WDFY3: variants seen among roughly 807,000 people sequenced by gnomAD.
The protein encoded by WDFY3 is WD repeat and FYVE domain containing 3.
In WDFY3, 66 loss-of-function variants were observed where a neutral mutation model predicts 409.6. The ratio of observed to expected loss-of-function variants is 0.16; its 90% CI spans 0.13 to 0.20. The LOEUF (loss-of-function observed/expected upper bound fraction) is 0.20, where lower values mean the gene tolerates loss of function less well. Ranked by LOEUF, WDFY3 falls within the 10% of genes least tolerant of loss-of-function variation. The pLI is 1.00. For missense variants in WDFY3, 3,031 were observed against 4,298.1 expected (o/e 0.71, Z 8.24); for synonymous variants, 1,521 against 1,537.1 (o/e 0.99, Z 0.25).
Position 84,809,998 on chromosome 4 carries a change from T to G in WDFY3, c.2234A>C (p.Gln745Pro). 1 of 1,614,180 alleles carries G rather than the reference T, an allele frequency of 6.2e-7. No individual in the cohort carries two copies. The highest frequency in any genetic ancestry group is 8.5e-7 in the Non-Finnish European group (1 of 1,180,008). ...NVFPSNTQPF[Q>P]RLLEEDVISI... ...GATTACATCTTCCTCTAAAAGTCTT[T>G]GAAATGGCTGTGTATTTGAGGGGAA... The change falls in exon 14 of 68, where the codon CAA (glutamine) becomes CCA (proline). Residue 745 changes from glutamine to proline, a missense_variant. Coordinates refer to ENST00000295888, the MANE Select transcript of WDFY3 (RefSeq NM_014991.6).
In WDFY3 at chr4:84,696,757, C is replaced by T. The variant is rs756701779; in HGVS notation, c.8663G>A (p.Arg2888Gln). ...ILPPWAKGDP[R>Q]EFIRVHREAL... ...CTCACGATGGACTCTGATGAATTCTCGTGGGTCCCCTTTTGCCCAGGGTGG... is the reference window on the plus strand; with the variant it reads ...CTCACGATGGACTCTGATGAATTCTTGTGGGTCCCCTTTTGCCCAGGGTGG... The change falls in exon 57 of 68, where the codon CGA (arginine) becomes CAA (glutamine). Residue 2888 changes from arginine (R) to glutamine (Q), a missense_variant. Coordinates refer to ENST00000295888, the MANE Select transcript of WDFY3 (RefSeq NM_014991.6). 2.5e-6 allele frequency: 4 copies of T among 1,613,796 alleles called. No individual in the cohort carries two copies. Among genetic ancestry groups the T allele is most frequent in the South Asian group, 1.1e-5 (1 of 91,058 alleles).
intron 47 of WDFY3, among the ~76,000 whole-genome samples, chr4:84,721,033 T>G (rs189908057): frequency 3.3e-5 from 5 of 152,292 alleles, no homozygotes; most frequent in Admixed American, 2.0e-4. Flanking sequence ...CAGTCCAGAT[T>G]GGCTGAAGCC....
chr4:84,759,240 T>C (rs573756245), intron 32 of WDFY3, among the ~76,000 whole-genome samples: 5 of 152,328 alleles, frequency 3.3e-5, no homozygotes, highest in African/African-American at 9.6e-5. Context: ...GGTAGGGTGA[T>C]GCCTCCAGCT....
chr4:84,847,405 T>C (rs1324546948), intron 5 of WDFY3, among the ~76,000 whole-genome samples: 1 of 151,590 alleles, frequency 6.6e-6, no homozygotes, highest in African/African-American at 2.4e-5. Context: ...CAAAAACAAA[T>C]TGATAAAAAA....
chr4:84,783,184 T>C, intron 24 of WDFY3, 110 bp from the exon 25 acceptor site: 1 of 991,066 alleles, frequency 1.0e-6, no homozygotes, highest in Non-Finnish European at 1.5e-6. Context: ...TCTCCTCCCT[T>C]ATCAGAATAC....
At chr4:84,885,641 G>T (rs569912033) in intron 3 of WDFY3, among the ~76,000 whole-genome samples, 1 of 152,210 alleles carries the variant, frequency 6.6e-6, no homozygotes, top group South Asian at 2.1e-4. Flanking sequence ...AATCTGGAAG[G>T]CCATTAAACA....
In WDFY3 at chr4:84,679,106, G is replaced by A. The variant is rs141847333; in HGVS notation, c.9960C>T (p.Ala3320=). 8.7e-6 allele frequency: 14 copies of A among 1,614,086 alleles called. No individual in the cohort carries two copies. The highest frequency in any genetic ancestry group is 2.2e-5 in the East Asian group (1 of 44,894). Residue 3320 remains alanine, a synonymous_variant, in exon 65 of 68, where the codon GCC becomes GCT. Coordinates refer to ENST00000295888, the MANE Select transcript of WDFY3 (RefSeq NM_014991.6). The part of the protein sequence containing the change: ...RPRAASCRAT[A]AWCTDSGSDD... Reference sequence around the variant, plus strand: ...CAGAGCCACTGTCAGTACACCAGGCGGCTGTTGCGCGGCAGGAGGCTGCCC... The same window carrying A: ...CAGAGCCACTGTCAGTACACCAGGCAGCTGTTGCGCGGCAGGAGGCTGCCC...
chr4:84,881,641 C>T (rs966458313), intron 3 of WDFY3, among the ~76,000 whole-genome samples: 2 of 151,632 alleles, frequency 1.3e-5, no homozygotes, highest in South Asian at 4.2e-4. Flanking sequence ...AATCCCAACA[C>T]TTTGGGAGGG....
intron 3 of WDFY3, among the ~76,000 whole-genome samples, chr4:84,892,166 A>C (rs1561016918): frequency 6.6e-6 from 1 of 152,042 alleles, no homozygotes; most frequent in Non-Finnish European, 1.5e-5. Context: ...TAAATAAAAT[A>C]ATTTATCATG....
intron 1 of WDFY3, among the ~76,000 whole-genome samples, chr4:84,946,595 G>A (rs939660844): frequency 6.6e-5 from 10 of 152,122 alleles, no homozygotes; most frequent in African/African-American, 2.4e-4. Context: ...GGAAAGCAAA[G>A]GGAAAGAGAC....
At chr4:84,934,322 C>T (rs868485697) in intron 1 of WDFY3, among the ~76,000 whole-genome samples, 50 of 152,224 alleles carry the variant, frequency 3.3e-4, no homozygotes, top group Non-Finnish European at 5.3e-4. Flanking sequence ...TGTATGTCTT[C>T]TTTTGAGAAA....
At chr4:84,766,581 T>C (rs185904660) in intron 30 of WDFY3, among the ~76,000 whole-genome samples, 28 of 152,354 alleles carry the variant, frequency 1.8e-4, no homozygotes, top group African/African-American at 5.8e-4. Context: ...TGACATTTCC[T>C]AAACTACTGA....
At chr4:84,844,410 T>C (rs892574307) in intron 5 of WDFY3, 12 of 1,279,424 alleles carry the variant, frequency 9.4e-6, no homozygotes, top group Non-Finnish European at 1.2e-5. Context: ...CTTCCATGCT[T>C]CTTTTCATTT....
At position 84,678,220 on chromosome 4, in the gene WDFY3, C is replaced by A; in HGVS notation, c.10207G>T (p.Asp3403Tyr). 1 of 1,614,124 alleles carries A rather than the reference C, an allele frequency of 6.2e-7. No individual in the cohort carries two copies. The highest frequency in any genetic ancestry group is 1.3e-5 in the African/African-American group (1 of 75,036). The change falls in exon 66 of 68, where the codon GAT (aspartate) becomes TAT (tyrosine). Residue 3403 changes from aspartate to tyrosine, a missense_variant. Coordinates refer to ENST00000295888, the MANE Select transcript of WDFY3 (RefSeq NM_014991.6). ...RSKLTMHTAF[D>Y]RKDNAHPAEV... is the part of the protein sequence containing the mutation. The stretch of plus-strand genomic sequence containing the variant: ...GCTGGGTGTGCATTGTCCTTTCGAT[C>A]AAAGGCTGTGTGCATAGTCAGCTTA...
rs528205646 is a variant in WDFY3 at position 84,927,223 on chromosome 4, TC to T, written c.-132+5046del. Among the ~76,000 whole-genome samples, 6 of 152,322 alleles carry T rather than the reference TC, an allele frequency of 3.9e-5. No individual in the cohort carries two copies. In the East Asian group the frequency reaches 7.7e-4, roughly 20 times the overall value. Reference sequence around the variant, plus strand: ...CATATGCTTAAGAAGTCATGCTCCATCTAACCTAATGAAGTTTTTAAAAACA... The same window carrying T: ...CATATGCTTAAGAAGTCATGCTCCATTAACCTAATGAAGTTTTTAAAAACA... On this transcript the variant is annotated intron_variant, in intron 2 of 67. Transcript: ENST00000295888.
intron 63 of WDFY3, among the ~76,000 whole-genome samples, 193 bp downstream of exon 63, chr4:84,683,750 T>C (rs1578121319): frequency 6.6e-6 from 1 of 152,130 alleles, no homozygotes; most frequent in African/African-American, 2.4e-5. Flanking sequence ...ATCTACTTAA[T>C]AGGAAGAAAA....
Position 84,794,757 on chromosome 4 carries a change from A to G in WDFY3, c.3269-20T>C. 1 of 1,582,722 alleles carries G rather than the reference A, an allele frequency of 6.3e-7. No homozygotes were observed. Among genetic ancestry groups the G allele is most frequent in the Non-Finnish European group, 8.6e-7 (1 of 1,167,134 alleles). On this transcript the variant is annotated intron_variant, in intron 20 of 67. Coordinates refer to ENST00000295888, the MANE Select transcript of WDFY3 (RefSeq NM_014991.6). ...TTTCACCTACAGTAAAAATTAAAAA[A>G]AAAAGTCTGTGTTGATTAATATTTA...
chr4:84,839,037 T>C (rs1756973987), intron 6 of WDFY3, among the ~76,000 whole-genome samples: 1 of 152,174 alleles, frequency 6.6e-6, no homozygotes, highest in South Asian at 2.1e-4. Flanking sequence ...TTTAAATGTA[T>C]CTATTTCCAG....
intron 26 of WDFY3, among the ~76,000 whole-genome samples, 165 bp from the exon 27 acceptor site, chr4:84,778,820 C>G (rs1233846649): frequency 6.6e-6 from 1 of 151,882 alleles, no homozygotes; most frequent in Non-Finnish European, 1.5e-5. Context: ...AAGTTAATTT[C>G]TAAATTTTTA....
Sources: allele counts gnomAD v4.1 joint callset (sites outside exome capture counted in the v4.1 genomes callset), GRCh38; gene constraint gnomAD v4.1.1; transcripts MANE v1.5; gene names NCBI Gene and HGNC (gene_info 2026-07-23, HGNC 2026-07-21).